ZNF207: variants seen among roughly 807,000 people sequenced by gnomAD.
ZNF207 encodes zinc finger protein 207.
In ZNF207, 24 loss-of-function variants were observed where a neutral mutation model predicts 60.2. The ratio of observed to expected loss-of-function variants is 0.40; its 90% CI spans 0.29 to 0.56. The LOEUF is 0.56. Among genes scored for constraint, ZNF207 ranks in the 20% least tolerant of loss-of-function variants. ZNF207 has a pLI of 0.49. For missense variants in ZNF207, 452 were observed against 636.6 expected, an observed-to-expected ratio of 0.71 and a Z score of 3.12; for synonymous variants, 236 against 194.7, an observed-to-expected ratio of 1.21 and a Z score of -1.77.
At position 32,357,351 on chromosome 17, in the gene ZNF207, A is replaced by ATTT. The variant is rs1164011891; in HGVS notation, c.169-1139_169-1137dup. Among the ~76,000 whole-genome samples, 442 of 73,960 alleles carry ATTT rather than the reference A, an allele frequency of 6.0e-3. 6 individuals are homozygous for ATTT. The highest frequency in any genetic ancestry group is 0.014 in the East Asian group (44 of 3,118). The allele number at this position is 73,960 out of a possible 152,430, so 48.5% of individuals were successfully genotyped here. The stretch of plus-strand genomic sequence containing the variant: ...TATTATTATTATTATTATTATTATT[A>ATTT]TTTTTTTTTTTTTTTGAGACAGAAT... On this transcript the variant is annotated intron_variant, in intron 2 of 11. Transcript: ENST00000394670.
At position 32,369,765 on chromosome 17, in the gene ZNF207, C is replaced by G; in HGVS notation, c.*6C>G. ...CGCAAGGTGGCCGTTACTGATCTTA[C>G]TTCATCCAGTCTAATAGGTTTGGAG... On this transcript the variant is annotated 3_prime_UTR_variant, in exon 12 of 12. Transcript: ENST00000394670. The G allele has an allele frequency of 2.0e-6, 3 of 1,516,874 alleles. No homozygotes were observed. Among genetic ancestry groups the G allele is most frequent in the Non-Finnish European group, 1.8e-6 (2 of 1,133,452 alleles). The allele number at this position is 1,516,874 out of a possible 1,614,324, so 94.0% of individuals were successfully genotyped here.
chr17:32,378,100 T>C lies in ZNF207; in HGVS notation c.*8341T>C, dbSNP rs1229283940. The C allele has an allele frequency of 6.6e-6, 1 of 152,518 alleles. No individual in the cohort carries two copies. Among genetic ancestry groups the C allele is most frequent in the Non-Finnish European group, 1.5e-5 (1 of 67,932 alleles). 9.4% of individuals were successfully genotyped at this position (152,518 alleles called of 1,614,324 possible). ...TTAGTATAACTAATAATAGATCCAT[T>C]GGACACTTTAAACACTCAGTACTTG... On this transcript the variant is annotated 3_prime_UTR_variant, in exon 12 of 12. Coordinates refer to ENST00000394670, the MANE Select transcript of ZNF207 (RefSeq NM_001098507.2).
Position 32,373,325 on chromosome 17 carries a change from A to T in ZNF207, c.*3566A>T, listed in dbSNP as rs2150806272. On this transcript the variant is annotated 3_prime_UTR_variant, in exon 12 of 12. Transcript: ENST00000394670. ...CTTGATCATTGGGATTTTTAAAAAAAAAAATTTTAATGCATGTCTTTTAAA... is the reference window on the plus strand; with the variant it reads ...CTTGATCATTGGGATTTTTAAAAAATAAAATTTTAATGCATGTCTTTTAAA... The T allele has an allele frequency of 1.6e-6, 1 of 635,288 alleles. No homozygotes were observed. Among genetic ancestry groups the T allele is most frequent in the East Asian group, 2.7e-5 (1 of 36,546 alleles). The allele number at this position is 635,288 out of a possible 1,614,324, so 39.4% of individuals were successfully genotyped here.
chr17:32,378,968 G>A lies in ZNF207; in HGVS notation c.*9209G>A, dbSNP rs1905780539. The A allele has an allele frequency of 6.6e-6, 1 of 152,052 alleles. No individual in the cohort carries two copies. The highest frequency in any genetic ancestry group is 1.5e-5 in the Non-Finnish European group (1 of 67,930). The allele number at this position is 152,052 out of a possible 1,614,324, so 9.4% of individuals were successfully genotyped here. On this transcript the variant is annotated 3_prime_UTR_variant, in exon 12 of 12. Transcript: ENST00000394670. ...AGTAATCTTGAATTCCTCTTGAGCT[G>A]GATGGTGATTAGCCATTGTGAAAAC...
chr17:32,371,127 G>T lies in ZNF207; in HGVS notation c.*1368G>T, dbSNP rs1905446204. 6.6e-6 allele frequency: 1 copy of T among 152,062 alleles called. No individual in the cohort carries two copies. The highest frequency in any genetic ancestry group is 1.5e-5 in the Non-Finnish European group (1 of 67,970). 9.4% of individuals were successfully genotyped at this position (152,062 alleles called of 1,614,324 possible). ...GCTCTTGTTGACCTTTTTGGGATCT[G>T]TTTTTCTGATCTTTTGCAGGGTAGT... is the stretch of plus-strand genomic sequence containing the variant. On this transcript the variant is annotated 3_prime_UTR_variant, in exon 12 of 12. Coordinates refer to ENST00000394670, the MANE Select transcript of ZNF207 (RefSeq NM_001098507.2).
chr17:32,361,004 C>G (rs1318140551), intron 5 of ZNF207, 37 bp downstream of exon 5: 1 of 1,593,044 alleles, frequency 6.3e-7, no homozygotes, highest in African/African-American at 1.3e-5. Flanking sequence ...TAGGCTTGTG[C>G]CTAGTAATGA....
intron 7 of ZNF207, among the ~76,000 whole-genome samples, chr17:32,364,947 C>G (rs1343046949): frequency 6.6e-6 from 1 of 152,188 alleles, no homozygotes; most frequent in Non-Finnish European, 1.5e-5. Flanking sequence ...TTTTATTGTT[C>G]ATGATATTTG....
intron 3 of ZNF207, among the ~76,000 whole-genome samples, chr17:32,359,878 A>G (rs1904756220): frequency 6.6e-6 from 1 of 152,170 alleles, no homozygotes; most frequent in African/African-American, 2.4e-5. Flanking sequence ...ACAGAGTGAG[A>G]TCCTATTTAG....
intron 9 of ZNF207, 67 bp downstream of exon 9, chr17:32,366,824 T>TA: frequency 7.3e-7 from 1 of 1,375,564 alleles, no homozygotes; most frequent in Non-Finnish European, 9.8e-7. Context: ...GGACCCTACT[T>TA]AAAAAATGAA....
chr17:32,366,336 T>C (rs1905160741), intron 8 of ZNF207, among the ~76,000 whole-genome samples: 1 of 152,212 alleles, frequency 6.6e-6, no homozygotes, highest in Admixed American at 6.5e-5. Context: ...TTGTAGAGAA[T>C]CATTGATACA....
rs923327928 is a variant in ZNF207 at position 32,375,329 on chromosome 17, A to G, written c.*5570A>G. ...CCTTAATTGGAGATCTGTTTTCTCT[A>G]TTACCTACCATCCTGCAATATGCTG... is the stretch of plus-strand genomic sequence containing the variant. On this transcript the variant is annotated 3_prime_UTR_variant, in exon 12 of 12. Coordinates refer to ENST00000394670, the MANE Select transcript of ZNF207 (RefSeq NM_001098507.2). 5.3e-5 allele frequency: 8 copies of G among 152,128 alleles called. No individual in the cohort carries two copies. Among genetic ancestry groups the G allele is most frequent in the South Asian group, 2.1e-4 (1 of 4,836 alleles). The allele number at this position is 152,128 out of a possible 1,614,324, so 9.4% of individuals were successfully genotyped here.
At chr17:32,355,926 G>A (rs1467660979) in intron 2 of ZNF207, among the ~76,000 whole-genome samples, 1 of 152,210 alleles carries the variant, frequency 6.6e-6, no homozygotes, top group Admixed American at 6.5e-5. Flanking sequence ...ACGGTGCTTT[G>A]AAGAGACAGG....
At chr17:32,361,096 G>T in intron 5 of ZNF207, 129 bp downstream of exon 5, 1 of 922,166 alleles carries the variant, frequency 1.1e-6, no homozygotes, top group Non-Finnish European at 1.6e-6. Context: ...TATATATCTT[G>T]TCTAATAAAG....
chr17:32,366,815 G>C, intron 9 of ZNF207, 58 bp downstream of exon 9: 2 of 1,425,780 alleles, frequency 1.4e-6, no homozygotes, highest in Non-Finnish European at 1.9e-6. Flanking sequence ...TAACCCTTTG[G>C]ACCCTACTTA....
At position 32,374,960 on chromosome 17, in the gene ZNF207, G is replaced by A. The variant is rs183549965; in HGVS notation, c.*5201G>A. The A allele has an allele frequency of 6.6e-6, 1 of 152,158 alleles. No individual in the cohort carries two copies. The highest frequency in any genetic ancestry group is 2.4e-5 in the African/African-American group (1 of 41,432). The allele number at this position is 152,158 out of a possible 1,614,324, so 9.4% of individuals were successfully genotyped here. On this transcript the variant is annotated 3_prime_UTR_variant, in exon 12 of 12. Transcript: ENST00000394670. ...GAAAAGTTGTGTGCGTGTGTTTGTT[G>A]TAGGGAATAATTAGGGAATTGGAAG...
chr17:32,358,448 A>G, intron 2 of ZNF207, 55 bp from the exon 3 acceptor site: 4 of 1,489,836 alleles, frequency 2.7e-6, no homozygotes, highest in South Asian at 1.4e-5. Context: ...GTCTTTGATT[A>G]ACTTGGAATT....
rs1196385496 is a variant in ZNF207 at position 32,373,756 on chromosome 17, T to G, written c.*3997T>G. The stretch of plus-strand genomic sequence containing the variant: ...ATAAATTGACAAAATTTGATATTTT[T>G]GATTGGAGGCAAGAAATGTTTCATT... On this transcript the variant is annotated 3_prime_UTR_variant, in exon 12 of 12. Transcript: ENST00000394670. The G allele has an allele frequency of 3.4e-5, 8 of 236,006 alleles. No homozygotes were observed. The highest frequency in any genetic ancestry group is 6.4e-5 in the Non-Finnish European group (8 of 124,626). 14.6% of individuals were successfully genotyped at this position (236,006 alleles called of 1,614,324 possible). A position where few individuals can be genotyped will look rare whatever the true frequency, so the allele number is the denominator to read the frequency against.
At position 32,367,279 on chromosome 17, in the gene ZNF207, A is replaced by ATG. The variant is rs1567825100; in HGVS notation, c.922-492_922-491insGT. Among the ~76,000 whole-genome samples the ATG allele has an allele frequency of 4.9e-4, 56 of 114,682 alleles. 1 individual carries two copies. Among genetic ancestry groups the ATG allele is most frequent in the Admixed American group, 9.3e-4 (11 of 11,804 alleles). The allele number at this position is 114,682 out of a possible 152,430, so 75.2% of individuals were successfully genotyped here. A position where few individuals can be genotyped will look rare whatever the true frequency, so the allele number is the denominator to read the frequency against. On this transcript the variant is annotated intron_variant, in intron 9 of 11. Transcript: ENST00000394670. ...TATATATATATATATATATATATAT[A>ATG]TATATAAAGAATACTACTAAAGGAT...
chr17:32,362,719 T>TG, intron 6 of ZNF207, 195 bp from the exon 7 acceptor site: 1 of 434,258 alleles, frequency 2.3e-6, no homozygotes, highest in African/African-American at 2.0e-5. Flanking sequence ...CCAAAGAGTT[T>TG]GCTGGGTTTT....
Sources: gnomAD v4.1 joint callset for allele counts (sites outside exome capture counted in the v4.1 genomes callset) on GRCh38, gnomAD v4.1.1 for gene constraint, MANE v1.5 for transcripts, NCBI Gene and HGNC (gene_info 2026-07-23, HGNC 2026-07-21) for gene names.